PRPH: variants seen among roughly 807,000 people sequenced by gnomAD.
PRPH encodes the protein peripherin.
PRPH carries 48 observed loss-of-function variants against 52.6 expected under a neutral mutation model. That is an observed-to-expected ratio of 0.91 (90% confidence interval 0.72 to 1.16). The LOEUF (loss-of-function observed/expected upper bound fraction) is 1.16. Ranked by LOEUF, PRPH falls within the 50% of genes most tolerant of loss-of-function variation. PRPH has a pLI of 0.00. For missense variants in PRPH, 579 were observed against 635.7 expected, an observed-to-expected ratio of 0.91 and a Z score of 0.96; for synonymous variants, 279 against 283.8, an observed-to-expected ratio of 0.98 and a Z score of 0.17.
chr12:49,296,487 T>C lies in PRPH; in HGVS notation c.662T>C (p.Leu221Pro). ...RLELERKIES[L>P]MDEIEFLKKL... Reference sequence around the variant, plus strand: ...GAACTAGAGCGCAAGATTGAGTCTCTGATGGATGAGATTGAGTTCCTCAAG... The same window carrying C: ...GAACTAGAGCGCAAGATTGAGTCTCCGATGGATGAGATTGAGTTCCTCAAG... The change falls in exon 3 of 9, where the codon CTG becomes CCG. Residue 221 changes from leucine (L) to proline (P), a missense_variant. By Grantham distance (98) the Leu-to-Pro change is moderately conservative. Coordinates refer to ENST00000257860, the MANE Select transcript of PRPH (RefSeq NM_006262.4). The surrounding 1 kb of genome is among the most constrained non-coding windows in gnomAD (Gnocchi z 5.1). 6.2e-7 allele frequency: 1 copy of C among 1,614,166 alleles called. No individual in the cohort carries two copies. Among genetic ancestry groups the C allele is most frequent in the Non-Finnish European group, 8.5e-7 (1 of 1,180,024 alleles).
chr12:49,297,920 C>G lies in PRPH; in HGVS notation c.1268-38C>G, dbSNP rs773012705. 3 of 1,609,736 alleles carry G rather than the reference C, an allele frequency of 1.9e-6. No individual in the cohort carries two copies. Among genetic ancestry groups the G allele is most frequent in the East Asian group, 2.2e-5 (1 of 44,856 alleles). ...GGGAGCCTAAGAGGAGAGATTCCCA[C>G]GCCTTCCCCCTTGAACCCTTTATCC... On this transcript the variant is annotated intron_variant, in intron 7 of 8. Transcript: ENST00000257860. The surrounding 1 kb of genome is among the most constrained non-coding windows in gnomAD (Gnocchi z 4.4).
rs1281351800 is a variant in PRPH, at chr12:49,297,271, A to T, written c.994A>T (p.Thr332Ser). ...GTGCGAGGTGGACGGGCTGCGCGGC[A>T]CGGTGAGTACGAAGCTGCGCGCTCG... is the stretch of plus-strand genomic sequence containing the variant. ...LTCEVDGLRG[T>S]NEALLRQLRE... Residue 332 changes from threonine (T) to serine (S), a missense_variant and splice_region_variant, in exon 5 of 9, where the codon ACG becomes TCG. Physicochemically the swap from Thr to Ser is moderately conservative, Grantham distance 58. Transcript: ENST00000257860. This position sits in a 1 kb window ranked among gnomAD's most constrained non-coding sequence, Gnocchi z 4.4. 1 of 1,613,700 alleles carries T rather than the reference A, an allele frequency of 6.2e-7. No homozygotes were observed. Among genetic ancestry groups the T allele is most frequent in the African/African-American group, 1.3e-5 (1 of 74,828 alleles).
rs1307463429 is a variant in PRPH at position 49,296,167 on chromosome 12, C to T, written c.546-11C>T. The stretch of plus-strand genomic sequence containing the variant: ...CCCCGCAGTTCAGCCTCTGCACGCT[C>T]TTCCCGTCAGGTTGGAGGAGGAGAC... On this transcript the variant is annotated splice_polypyrimidine_tract_variant and intron_variant, in intron 1 of 8. Coordinates refer to ENST00000257860, the MANE Select transcript of PRPH (RefSeq NM_006262.4). This position sits in a 1 kb window ranked among gnomAD's most constrained non-coding sequence, Gnocchi z 5.1. The T allele has an allele frequency of 1.2e-6, 2 of 1,611,390 alleles. No homozygotes were observed. Among genetic ancestry groups the T allele is most frequent in the Admixed American group, 1.7e-5 (1 of 59,960 alleles).
In PRPH at chr12:49,295,326, C is replaced by T. The variant is rs1389576041; in HGVS notation, c.126C>T (p.Ser42=). ...ACTCGTCCAGCTCCCGCTTCTCCAGCAGCCGCCTGCTGGGCTCCGCGTCCC... is the reference window on the plus strand; with the variant it reads ...ACTCGTCCAGCTCCCGCTTCTCCAGTAGCCGCCTGCTGGGCTCCGCGTCCC... ...FSYSSSSRFS[S]SRLLGSASPS... Residue 42 remains serine, a synonymous_variant, in exon 1 of 9, where the codon AGC becomes AGT. Coordinates refer to ENST00000257860, the MANE Select transcript of PRPH (RefSeq NM_006262.4). 1.2e-6 allele frequency: 2 copies of T among 1,611,418 alleles called. No homozygotes were observed. Among genetic ancestry groups the T allele is most frequent in the Non-Finnish European group, 1.7e-6 (2 of 1,179,542 alleles).
chr12:49,297,964 A>C lies in PRPH; in HGVS notation c.1274A>C (p.Glu425Ala). ...TTTATCCTGCTTTCTTCAGTGCCTG[A>C]GGTGGAGCCTCCCCAGGACAGCCAC... ...ASLNIKTTVP[E>A]VEPPQDSHSR... is the part of the protein sequence containing the mutation. The change falls in exon 8 of 9, where the codon GAG becomes GCG. Residue 425 changes from glutamate to alanine, a missense_variant. Physicochemically the swap from Glu to Ala is moderately radical, Grantham distance 107. Transcript: ENST00000257860. This position sits in a 1 kb window ranked among gnomAD's most constrained non-coding sequence, Gnocchi z 4.4. The C allele has an allele frequency of 6.2e-7, 1 of 1,613,954 alleles. No individual in the cohort carries two copies. Among genetic ancestry groups the C allele is most frequent in the East Asian group, 2.2e-5 (1 of 44,888 alleles).
In PRPH at chr12:49,298,438, T is replaced by G. The variant is rs531122053; in HGVS notation, c.*85T>G. On this transcript the variant is annotated 3_prime_UTR_variant, in exon 9 of 9. Transcript: ENST00000257860. Reference sequence around the variant, plus strand: ...CCACTCCTGAATTGTCTCCTCTCCCTCTGCATGTGTCTAAAAGGTGGTACC... The same window carrying G: ...CCACTCCTGAATTGTCTCCTCTCCCGCTGCATGTGTCTAAAAGGTGGTACC... 4.3e-5 allele frequency: 61 copies of G among 1,416,322 alleles called. No homozygotes were observed. The Admixed American group carries it at 5.2e-4, about 12-fold the overall frequency. The allele number at this position is 1,416,322 out of a possible 1,614,324, so 87.7% of individuals were successfully genotyped here. A position where few individuals can be genotyped will look rare whatever the true frequency, so the allele number is the denominator to read the frequency against.
Position 49,296,605 on chromosome 12 carries a change from A to C in PRPH, c.702+78A>C. The stretch of plus-strand genomic sequence containing the variant: ...TGGAGCTGGCGGGTGGAGCGGAGGC[A>C]TCGCCCTGGGGATCAGGACGATGCT... On this transcript the variant is annotated intron_variant, in intron 3 of 8. Transcript: ENST00000257860. This position sits in a 1 kb window ranked among gnomAD's most constrained non-coding sequence, Gnocchi z 5.1. The C allele has an allele frequency of 2.9e-6, 4 of 1,380,466 alleles. No homozygotes were observed. Among genetic ancestry groups the C allele is most frequent in the Non-Finnish European group, 4.1e-6 (4 of 981,556 alleles). The allele number at this position is 1,380,466 out of a possible 1,614,324, so 85.5% of individuals were successfully genotyped here.
chr12:49,295,329 C>T lies in PRPH; in HGVS notation c.129C>T (p.Ser43=). 1 of 1,611,412 alleles carries T rather than the reference C, an allele frequency of 6.2e-7. No homozygotes were observed. The highest frequency in any genetic ancestry group is 8.5e-7 in the Non-Finnish European group (1 of 1,179,576). The change falls in exon 1 of 9, where the codon AGC becomes AGT. Residue 43 remains serine (S), a synonymous_variant. Transcript: ENST00000257860. Reference sequence around the variant, plus strand: ...CGTCCAGCTCCCGCTTCTCCAGCAGCCGCCTGCTGGGCTCCGCGTCCCCGA... The same window carrying T: ...CGTCCAGCTCCCGCTTCTCCAGCAGTCGCCTGCTGGGCTCCGCGTCCCCGA... ...SYSSSSRFSS[S]RLLGSASPSS...
Position 49,295,698 on chromosome 12 carries a change from G to T in PRPH, c.498G>T (p.Gln166His), listed in dbSNP as rs1411393724. The change falls in exon 1 of 9, where the codon CAG (glutamine) becomes CAT (histidine). Residue 166 changes from glutamine to histidine, a missense_variant. Coordinates refer to ENST00000257860, the MANE Select transcript of PRPH (RefSeq NM_006262.4). ...TGGGCCGCGAGCGTGACCGGGTGCA[G>T]GTGGAGCGCGACGGGCTGGCGGAGG... ...ELLGRERDRV[Q>H]VERDGLAEDL... 1 of 1,529,828 alleles carries T rather than the reference G, an allele frequency of 6.5e-7. No individual in the cohort carries two copies. The highest frequency in any genetic ancestry group is 8.7e-7 in the Non-Finnish European group (1 of 1,143,108). The allele number at this position is 1,529,828 out of a possible 1,614,324, so 94.8% of individuals were successfully genotyped here. A position where few individuals can be genotyped will look rare whatever the true frequency, so the allele number is the denominator to read the frequency against.
In PRPH at chr12:49,297,924, T is replaced by C. The variant is rs11836976; in HGVS notation, c.1268-34T>C. The C allele has an allele frequency of 9.4e-3, 15,220 of 1,611,124 alleles. 1,203 individuals are homozygous for C. In the African/African-American group the frequency reaches 0.18, roughly 19 times the overall value. Reference sequence around the variant, plus strand: ...GCCTAAGAGGAGAGATTCCCACGCCTTCCCCCTTGAACCCTTTATCCTGCT... The same window carrying C: ...GCCTAAGAGGAGAGATTCCCACGCCCTCCCCCTTGAACCCTTTATCCTGCT... On this transcript the variant is annotated intron_variant, in intron 7 of 8. Coordinates refer to ENST00000257860, the MANE Select transcript of PRPH (RefSeq NM_006262.4). The surrounding 1 kb of genome is among the most constrained non-coding windows in gnomAD (Gnocchi z 4.4).
At chr12:49,295,772 C>G (rs1023614792) in intron 1 of PRPH, 27 bp downstream of exon 1, 18 of 1,454,250 alleles carry the variant, frequency 1.2e-5, no homozygotes, top group Middle Eastern at 2.5e-4. Context: ...GGGCCGCTGC[C>G]GTCGAGGCGA....
Position 49,297,990 on chromosome 12 carries a change from A to C in PRPH, c.1300A>C (p.Ser434Arg). Residue 434 changes from serine (S) to arginine (R), a missense_variant, in exon 8 of 9, where the codon AGC becomes CGC. Physicochemically the swap from Ser to Arg is moderately radical, Grantham distance 110. Coordinates refer to ENST00000257860, the MANE Select transcript of PRPH (RefSeq NM_006262.4). This position sits in a 1 kb window ranked among gnomAD's most constrained non-coding sequence, Gnocchi z 4.4. ...GGTGGAGCCTCCCCAGGACAGCCAC[A>C]GCCGGAAGACGGTTCTGATCAAGAC... is the stretch of plus-strand genomic sequence containing the variant. Reference protein sequence around the residue: ...PEVEPPQDSHSRKTVLIKTIE... With the variant: ...PEVEPPQDSHRRKTVLIKTIE... The C allele has an allele frequency of 6.2e-7, 1 of 1,614,198 alleles. No individual in the cohort carries two copies. The highest frequency in any genetic ancestry group is 8.5e-7 in the Non-Finnish European group (1 of 1,180,036).
chr12:49,298,368 A>G lies in PRPH; in HGVS notation c.*15A>G. On this transcript the variant is annotated 3_prime_UTR_variant, in exon 9 of 9. Coordinates refer to ENST00000257860, the MANE Select transcript of PRPH (RefSeq NM_006262.4). ...ACAGTTACTGAACCCCTTGGTCCGG[A>G]GCCTTGACTCTGCCCTAGGCCTGCT... The G allele has an allele frequency of 6.2e-7, 1 of 1,614,068 alleles. No homozygotes were observed. Among genetic ancestry groups the G allele is most frequent in the Middle Eastern group, 1.6e-4 (1 of 6,062 alleles).
chr12:49,298,199 C>T, intron 8 of PRPH, 89 bp from the exon 9 acceptor site: 1 of 1,548,588 alleles, frequency 6.5e-7, no homozygotes, highest in South Asian at 1.1e-5. Flanking sequence ...TGCTGGTTAC[C>T]CCAGGGAGTG....
chr12:49,297,640 C>T lies in PRPH; in HGVS notation c.1218-37C>T, dbSNP rs994209358. The T allele has an allele frequency of 1.9e-5, 30 of 1,612,606 alleles. No individual in the cohort carries two copies. The highest frequency in any genetic ancestry group is 2.5e-5 in the Non-Finnish European group (29 of 1,179,864). ...CGGGACTGGGCCGGGCAGGGCGGGG[C>T]CTGGGCAGGGGCGCTGACAACTTGC... On this transcript the variant is annotated intron_variant, in intron 6 of 8. Transcript: ENST00000257860. The surrounding 1 kb of genome is among the most constrained non-coding windows in gnomAD (Gnocchi z 4.4).
chr12:49,296,603 G>C lies in PRPH; in HGVS notation c.702+76G>C. 7.2e-7 allele frequency: 1 copy of C among 1,392,340 alleles called. No homozygotes were observed. Among genetic ancestry groups the C allele is most frequent in the Non-Finnish European group, 1.0e-6 (1 of 992,024 alleles). The allele number at this position is 1,392,340 out of a possible 1,614,324, so 86.2% of individuals were successfully genotyped here. A position where few individuals can be genotyped will look rare whatever the true frequency, so the allele number is the denominator to read the frequency against. On this transcript the variant is annotated intron_variant, in intron 3 of 8. Transcript: ENST00000257860. The surrounding 1 kb of genome is among the most constrained non-coding windows in gnomAD (Gnocchi z 5.1). The stretch of plus-strand genomic sequence containing the variant: ...GCTGGAGCTGGCGGGTGGAGCGGAG[G>C]CATCGCCCTGGGGATCAGGACGATG...
chr12:49,296,102 C>T lies in PRPH; in HGVS notation c.546-76C>T. On this transcript the variant is annotated intron_variant, in intron 1 of 8. Transcript: ENST00000257860. This position sits in a 1 kb window ranked among gnomAD's most constrained non-coding sequence, Gnocchi z 5.1. ...GCAGCAGAACAGCCTCTAACCGGATCCTGGGGGGCGTGCGGTCTGGGGTGC... is the reference window on the plus strand; with the variant it reads ...GCAGCAGAACAGCCTCTAACCGGATTCTGGGGGGCGTGCGGTCTGGGGTGC... 1 of 1,495,208 alleles carries T rather than the reference C, an allele frequency of 6.7e-7. No individual in the cohort carries two copies. The highest frequency in any genetic ancestry group is 9.1e-7 in the Non-Finnish European group (1 of 1,094,240). The allele number at this position is 1,495,208 out of a possible 1,614,324, so 92.6% of individuals were successfully genotyped here.
Position 49,297,777 on chromosome 12 carries a change from C to T in PRPH, c.1267+51C>T, listed in dbSNP as rs928758282. 2 of 1,610,374 alleles carry T rather than the reference C, an allele frequency of 1.2e-6. No homozygotes were observed. The highest frequency in any genetic ancestry group is 1.7e-6 in the Non-Finnish European group (2 of 1,176,994). ...TCTCCTTGTCCACTTCTGCCCTCCTCGGGCTCTTGCTCTGGCTCACCTCAG... is the reference window on the plus strand; with the variant it reads ...TCTCCTTGTCCACTTCTGCCCTCCTTGGGCTCTTGCTCTGGCTCACCTCAG... On this transcript the variant is annotated intron_variant, in intron 7 of 8. Coordinates refer to ENST00000257860, the MANE Select transcript of PRPH (RefSeq NM_006262.4). This position sits in a 1 kb window ranked among gnomAD's most constrained non-coding sequence, Gnocchi z 4.4.
rs751573069 is a variant in PRPH, at chr12:49,296,503, G to A, written c.678G>A (p.Glu226=). The A allele has an allele frequency of 3.1e-6, 5 of 1,614,194 alleles. No homozygotes were observed. Among genetic ancestry groups the A allele is most frequent in the Non-Finnish European group, 4.2e-6 (5 of 1,180,034 alleles). Residue 226 remains glutamate (E), a synonymous_variant, in exon 3 of 9, where the codon GAG becomes GAA. Transcript: ENST00000257860. The surrounding 1 kb of genome is among the most constrained non-coding windows in gnomAD (Gnocchi z 5.1). ...TTGAGTCTCTGATGGATGAGATTGA[G>A]TTCCTCAAGAAGCTGCACGAGGAGG... ...RKIESLMDEI[E]FLKKLHEEEL...
Sources: allele counts gnomAD v4.1 joint callset, GRCh38; gene constraint gnomAD v4.1.1; non-coding constraint Gnocchi (gnomAD v3.1); transcripts MANE v1.5; gene names NCBI Gene and HGNC (gene_info 2026-07-23, HGNC 2026-07-21).